Variants in MOSMO observed in about 807,000 individuals in gnomAD.
MOSMO encodes modulator of smoothened protein.
A neutral mutation model predicts 18.4 loss-of-function variants in MOSMO; 5 were observed. The ratio of observed to expected loss-of-function variants is 0.27; its 90% CI spans 0.14 to 0.57. MOSMO has a LOEUF of 0.57. Ranked by LOEUF, MOSMO falls within the 20% of genes least tolerant of loss-of-function variation. MOSMO has a pLI of 0.92. For synonymous variants in MOSMO, 82 were observed against 82.3 expected (o/e 1.00, Z 0.02); for missense variants, 138 against 211.8 (o/e 0.65, Z 2.16).
At chr16:22,066,170 T>C (rs1307535186) in intron 1 of MOSMO, among the ~76,000 whole-genome samples, 1 of 152,162 alleles carries the variant, frequency 6.6e-6, no homozygotes, top group African/African-American at 2.4e-5. Context: ...CCCCAGAGAA[T>C]TGTCACTATT....
chr16:22,070,750 G>A (rs1900832511), intron 1 of MOSMO, among the ~76,000 whole-genome samples: 1 of 152,136 alleles, frequency 6.6e-6, no homozygotes, highest in East Asian at 1.9e-4. Flanking sequence ...ATCACCACTA[G>A]CTATGTTTCT....
intron 1 of MOSMO, among the ~76,000 whole-genome samples, chr16:22,017,119 T>C (rs1257929414): frequency 6.6e-6 from 1 of 152,214 alleles, no homozygotes; most frequent in Non-Finnish European, 1.5e-5. Flanking sequence ...CCATAACCCA[T>C]TTCAATGCAT....
intron 1 of MOSMO, among the ~76,000 whole-genome samples, chr16:22,063,074 G>A (rs1182000028): frequency 1.3e-5 from 2 of 151,860 alleles, no homozygotes; most frequent in Non-Finnish European, 2.9e-5. Flanking sequence ...GGCTGGTCTC[G>A]AACTCCTGAC....
intron 2 of MOSMO, among the ~76,000 whole-genome samples, chr16:22,078,418 A>C (rs937803909): frequency 6.6e-6 from 1 of 152,228 alleles, no homozygotes; most frequent in African/African-American, 2.4e-5. Flanking sequence ...ACTAAGGTTA[A>C]ACAGGACTTC....
intron 1 of MOSMO, among the ~76,000 whole-genome samples, chr16:22,026,801 G>C (rs1316828671): frequency 2.6e-5 from 4 of 152,202 alleles, no homozygotes; most frequent in Admixed American, 1.3e-4. Context: ...AAGAAAATAT[G>C]TAAATAACTT....
At chr16:22,085,554 C>T (rs1294563264), downstream of MOSMO, 1 of 151,988 alleles carries the variant, frequency 6.6e-6, no homozygotes, top group Admixed American at 6.6e-5. Flanking sequence ...TTTGGTAATA[C>T]CTTAGGAAAA....
intron 1 of MOSMO, chr16:22,064,427 T>C (rs1423695447): frequency 1.1e-5 from 5 of 456,330 alleles, no homozygotes; most frequent in Non-Finnish European, 2.2e-5. Context: ...CAGATTAATC[T>C]GGGAAGAAAC....
intron 1 of MOSMO, among the ~76,000 whole-genome samples, chr16:22,041,012 G>A (rs991981260): frequency 2.6e-5 from 4 of 152,110 alleles, no homozygotes; most frequent in Non-Finnish European, 5.9e-5. Flanking sequence ...AAGACATTTA[G>A]TTCCAGGAAG....
chr16:22,042,003 C>T (rs966848721), intron 1 of MOSMO, among the ~76,000 whole-genome samples: 19 of 152,158 alleles, frequency 1.2e-4, no homozygotes, highest in African/African-American at 3.4e-4. Flanking sequence ...TTAAAACAAA[C>T]GGAAAAAGAA....
chr16:22,075,164 C>T (rs1006986272), intron 1 of MOSMO: 10 of 385,156 alleles, frequency 2.6e-5, no homozygotes, highest in South Asian at 2.0e-4. Flanking sequence ...GGAACCTCAT[C>T]CTGTCTGCTG....
intron 1 of MOSMO, among the ~76,000 whole-genome samples, chr16:22,067,889 G>T (rs201884014): frequency 7.5e-6 from 1 of 132,918 alleles, no homozygotes; most frequent in East Asian, 2.0e-4. Flanking sequence ...TAAAAAGAAA[G>T]AAAAAAAAAA....
chr16:22,054,123 T>C (rs1472953239), intron 1 of MOSMO, among the ~76,000 whole-genome samples: 1 of 151,714 alleles, frequency 6.6e-6, no homozygotes, highest in Non-Finnish European at 1.5e-5. Flanking sequence ...TGAGCCAAAG[T>C]GTCCCTCTGT....
At position 22,082,798 on chromosome 16, in the gene MOSMO, G is replaced by C. The variant is rs762747578; in HGVS notation, c.*1918G>C. 6.6e-6 allele frequency: 1 copy of C among 152,204 alleles called. No homozygotes were observed. Among genetic ancestry groups the C allele is most frequent in the African/African-American group, 2.4e-5 (1 of 41,454 alleles). 9.4% of individuals were successfully genotyped at this position (152,204 alleles called of 1,614,324 possible). ...TGAGCTCACTCAGGAATTGGGGAGAGAGATGGACCACCACTGTGGTGCATT... is the reference window on the plus strand; with the variant it reads ...TGAGCTCACTCAGGAATTGGGGAGACAGATGGACCACCACTGTGGTGCATT... On this transcript the variant is annotated 3_prime_UTR_variant, in exon 3 of 3. Transcript: ENST00000542527.
At chr16:22,073,457 C>T (rs1900899819) in intron 1 of MOSMO, among the ~76,000 whole-genome samples, 1 of 151,882 alleles carries the variant, frequency 6.6e-6, no homozygotes. Flanking sequence ...GGAGGAGTTT[C>T]CTGTTAAGAG....
At position 22,008,275 on chromosome 16, in the gene MOSMO, G is replaced by A. The variant is rs1455237429; in HGVS notation, c.-27G>A. The A allele has an allele frequency of 9.0e-6, 13 of 1,445,258 alleles. No individual in the cohort carries two copies. Among genetic ancestry groups the A allele is most frequent in the Non-Finnish European group, 1.2e-5 (13 of 1,081,046 alleles). The allele number at this position is 1,445,258 out of a possible 1,614,324, so 89.5% of individuals were successfully genotyped here. A position where few individuals can be genotyped will look rare whatever the true frequency, so the allele number is the denominator to read the frequency against. On this transcript the variant is annotated 5_prime_UTR_variant, in exon 1 of 3. Coordinates refer to ENST00000542527, the MANE Select transcript of MOSMO (RefSeq NM_001164579.2). ...TGAGGCCGCTGCCTGTCCGGGGCTC[G>A]GGGGGTGGGGGGAGCGGGGCGGGGA...
intron 1 of MOSMO, among the ~76,000 whole-genome samples, chr16:22,039,751 A>G (rs936678993): frequency 3.3e-5 from 5 of 151,866 alleles, no homozygotes; most frequent in Admixed American, 6.5e-5. Flanking sequence ...GGTAGGATCT[A>G]TGTCTCAGCT....
In MOSMO at chr16:22,082,328, C is replaced by G. The variant is rs1901098621; in HGVS notation, c.*1448C>G. ...AGAAGCATTGCAGCTAACCCTTGAA[C>G]TCACAGTTTTAAAATACAGTATTTC... On this transcript the variant is annotated 3_prime_UTR_variant, in exon 3 of 3. Transcript: ENST00000542527. The G allele has an allele frequency of 6.6e-6, 1 of 152,212 alleles. No homozygotes were observed. The highest frequency in any genetic ancestry group is 2.4e-5 in the African/African-American group (1 of 41,464). The allele number at this position is 152,212 out of a possible 1,614,324, so 9.4% of individuals were successfully genotyped here.
At chr16:22,037,467 C>T (rs954024723) in intron 1 of MOSMO, among the ~76,000 whole-genome samples, 22 of 152,284 alleles carry the variant, frequency 1.4e-4, no homozygotes, top group South Asian at 1.0e-3. Flanking sequence ...AGCAATTCTA[C>T]GGCAAGTATC....
chr16:22,078,615 A>G (rs1439046991), intron 2 of MOSMO, among the ~76,000 whole-genome samples: 1 of 152,236 alleles, frequency 6.6e-6, no homozygotes, highest in East Asian at 1.9e-4. Flanking sequence ...TAACATCTGC[A>G]TATTCCTAAA....
Sources: allele counts gnomAD v4.1 joint callset (sites outside exome capture counted in the v4.1 genomes callset), GRCh38; gene constraint gnomAD v4.1.1; transcripts MANE v1.5; gene names NCBI Gene and HGNC (gene_info 2026-07-23, HGNC 2026-07-21).